Variants in ATF6B observed in about 807,000 individuals in gnomAD.
The protein encoded by ATF6B is cyclic AMP-dependent transcription factor ATF-6 beta.
Under a neutral mutation model 83.5 loss-of-function variants are expected in ATF6B, and 50 were observed. That is an observed-to-expected ratio of 0.60 (90% CI 0.48 to 0.76). The LOEUF (loss-of-function observed/expected upper bound fraction) is 0.76, where lower values mean the gene tolerates loss of function less well. Among genes scored for constraint, ATF6B ranks in the 30% least tolerant of loss-of-function variants. The pLI is 0.00. For synonymous variants in ATF6B, 344 were observed against 362.8 expected, an observed-to-expected ratio of 0.95 and a Z score of 0.59; for missense variants, 790 against 893.8, an observed-to-expected ratio of 0.88 and a Z score of 1.48.
chr6:32,126,882 A>C (rs1561770908), intron 4 of ATF6B, among the ~76,000 whole-genome samples: 1 of 152,062 alleles, frequency 6.6e-6, no homozygotes, highest in Non-Finnish European at 1.5e-5. Context: ...AAAACAAAAA[A>C]CAAACAAACA....
rs746778270 is a variant in ATF6B at position 32,120,117 on chromosome 6, A to ATC, written c.833-161_833-160insGA. On this transcript the variant is annotated intron_variant, in intron 8 of 17. Transcript: ENST00000375203. ...CCTTTTCTCCTTTTTTTCTTTTTTG[A>ATC]GATGCAGTCTTGCTCTGTCGACCAG... 1,544 of 945,080 alleles carry ATC rather than the reference A, an allele frequency of 1.6e-3. 7 individuals carry two copies. The highest frequency in any genetic ancestry group is 2.1e-3 in the Non-Finnish European group (1,397 of 663,556). 58.5% of individuals were successfully genotyped at this position (945,080 alleles called of 1,614,324 possible). A position where few individuals can be genotyped will look rare whatever the true frequency, so the allele number is the denominator to read the frequency against.
In ATF6B at chr6:32,117,267, A is replaced by G. The variant is rs1781567342; in HGVS notation, c.1614+56T>C. The G allele has an allele frequency of 6.3e-7, 1 of 1,584,990 alleles. No homozygotes were observed. Among genetic ancestry groups the G allele is most frequent in the Non-Finnish European group, 8.6e-7 (1 of 1,159,968 alleles). On this transcript the variant is annotated intron_variant, in intron 14 of 17. Transcript: ENST00000375203. This position sits in a 1 kb window ranked among gnomAD's most constrained non-coding sequence, Gnocchi z 5.0. Reference sequence around the variant, plus strand: ...AGATGCCCACTAGAAATCCCCAGACAAGGCCTTTAGCCCTTGTCTTCAAGT... The same window carrying G: ...AGATGCCCACTAGAAATCCCCAGACGAGGCCTTTAGCCCTTGTCTTCAAGT...
rs142849530 is a variant in ATF6B at position 32,119,888 on chromosome 6, C to T, written c.902G>A (p.Arg301Gln). 102 of 1,614,126 alleles carry T rather than the reference C, an allele frequency of 6.3e-5. No individual in the cohort carries two copies. The African/African-American group carries it at 1.1e-3, about 17-fold the overall frequency. The change falls in exon 9 of 18, where the codon CGG (arginine) becomes CAG (glutamine). Residue 301 changes from arginine to glutamine, a missense_variant. Physicochemically the swap from Arg to Gln is conservative, Grantham distance 43. Coordinates refer to ENST00000375203, the MANE Select transcript of ATF6B (RefSeq NM_004381.5). The surrounding 1 kb of genome is among the most constrained non-coding windows in gnomAD (Gnocchi z 4.9). ...GGGAACGATGCTCTTCCTCTCAGGC[C>T]GTGGTAGAGAGGGAGCCGGCCCTTC... Reference protein sequence around the residue: ...QPEGPAPSLPRPERKSIVPAP... With the variant: ...QPEGPAPSLPQPERKSIVPAP...
In ATF6B at chr6:32,126,183, C is replaced by T; in HGVS notation, c.412G>A (p.Asp138Asn). ...SLAPPLCLLG[D>N]DPTSSFETVQ... ...GTTTCAAATGAGGATGTTGGGTCAT[C>T]TCCCAGGAGACACAGTGGGGGTGCC... Residue 138 changes from aspartate (D) to asparagine (N), a missense_variant, in exon 5 of 18, where the codon GAT becomes AAT. By Grantham distance (23) the Asp-to-Asn change is conservative. Around this residue, in one of 3 missense-constraint regions of ATF6B, gnomAD observed 253 missense variants for 243.1 expected, o/e 1.04. Coordinates refer to ENST00000375203, the MANE Select transcript of ATF6B (RefSeq NM_004381.5). The T allele has an allele frequency of 8.7e-6, 14 of 1,614,190 alleles. No individual in the cohort carries two copies. The highest frequency in any genetic ancestry group is 1.3e-5 in the African/African-American group (1 of 75,034).
Position 32,117,502 on chromosome 6 carries a change from GCTTTAGTACA to G in ATF6B, c.1532+75_1532+84del. Reference sequence around the variant, plus strand: ...TGAGGAGAGGGCAGGGAGCACTGGCGCTTTAGTACACAGGCCAGCCAGGCTGACTGCAGAA... The same window carrying G: ...TGAGGAGAGGGCAGGGAGCACTGGCGCAGGCCAGCCAGGCTGACTGCAGAA... On this transcript the variant is annotated intron_variant, in intron 13 of 17. Transcript: ENST00000375203. This position sits in a 1 kb window ranked among gnomAD's most constrained non-coding sequence, Gnocchi z 5.0. 1.3e-6 allele frequency: 2 copies of G among 1,590,198 alleles called. No homozygotes were observed. Among genetic ancestry groups the G allele is most frequent in the Non-Finnish European group, 1.7e-6 (2 of 1,163,404 alleles).
At chr6:32,121,155 C>T in intron 6 of ATF6B, 31 bp from the exon 7 acceptor site, 1 of 1,607,068 alleles carries the variant, frequency 6.2e-7, no homozygotes. Context: ...ATACATTAGT[C>T]AGGAAGAGTG....
chr6:32,115,675 A>G lies in ATF6B; in HGVS notation c.*64T>C, dbSNP rs559470416. On this transcript the variant is annotated 3_prime_UTR_variant, in exon 18 of 18. Coordinates refer to ENST00000375203, the MANE Select transcript of ATF6B (RefSeq NM_004381.5). ...AAGCCTGGGGATCAGGGAAATTTGA[A>G]ACAGTCCCACCTGGCCACCTGGTAC... 179 of 1,407,750 alleles carry G rather than the reference A, an allele frequency of 1.3e-4. 1 individual carries two copies. The African/African-American group carries it at 2.2e-3, about 17-fold the overall frequency. 87.2% of individuals were successfully genotyped at this position (1,407,750 alleles called of 1,614,324 possible).
At position 32,121,118 on chromosome 6, in the gene ATF6B, T is replaced by A. The variant is rs1052386534; in HGVS notation, c.571A>T (p.Ile191Leu). Residue 191 changes from isoleucine to leucine, a missense_variant, in exon 7 of 18, where the codon ATA becomes TTA. Coordinates refer to ENST00000375203, the MANE Select transcript of ATF6B (RefSeq NM_004381.5). ...TTCACTTCCAGGACCTCCTCTCCTA[T>A]AAAAGCCTATGTGGGGCATTCCAGA... ...LSADSSSQAF[I>L]GEEVLEVKTE... 2.5e-6 allele frequency: 4 copies of A among 1,582,084 alleles called. No individual in the cohort carries two copies. The highest frequency in any genetic ancestry group is 3.4e-6 in the Non-Finnish European group (4 of 1,164,990).
Position 32,115,874 on chromosome 6 carries a change from G to A in ATF6B, c.1977C>T (p.Thr659=). ...TTCGGAGCGAGGGGGGCACTGTGGA[G>A]GTCTTGATGTGAATCACCCTGGTGT... The part of the protein sequence containing the change: ...VMDTRVIHIK[T]STVPPSLRKQ... Residue 659 remains threonine (T), a synonymous_variant, in exon 18 of 18, where the codon ACC becomes ACT. Transcript: ENST00000375203. 6.2e-7 allele frequency: 1 copy of A among 1,614,166 alleles called. No individual in the cohort carries two copies. The highest frequency in any genetic ancestry group is 8.5e-7 in the Non-Finnish European group (1 of 1,180,024).
rs1781648474 is a variant in ATF6B at position 32,119,057 on chromosome 6, G to A, written c.1051C>T (p.Gln351Ter). Residue 351 changes from glutamine (Q) to a stop codon, truncating the protein, a stop_gained, in exon 10 of 18, where the codon CAG (glutamine) becomes TAG (stop). Coordinates refer to ENST00000375203, the MANE Select transcript of ATF6B (RefSeq NM_004381.5). LOFTEE classifies it high-confidence loss of function. The surrounding 1 kb of genome is among the most constrained non-coding windows in gnomAD (Gnocchi z 4.9). The part of the protein sequence containing the change: ...QSRRKKKEYL[Q>*]GLEARLQAVL... ...GCTTGCAGCCGAGCCTCCAGTCCCT[G>A]CAGATACTCTTTCTTCTTTCTCCGG... 6.2e-7 allele frequency: 1 copy of A among 1,614,060 alleles called. No individual in the cohort carries two copies. The highest frequency in any genetic ancestry group is 8.5e-7 in the Non-Finnish European group (1 of 1,180,050).
At chr6:32,121,599 G>T (rs1225776809) in intron 5 of ATF6B, among the ~76,000 whole-genome samples, 1 of 152,188 alleles carries the variant, frequency 6.6e-6, no homozygotes, top group African/African-American at 2.4e-5. Context: ...TACTCAGGAG[G>T]CTGAGGCAGG....
At chr6:32,126,902 T>C (rs555983928) in intron 4 of ATF6B, among the ~76,000 whole-genome samples, 1 of 151,984 alleles carries the variant, frequency 6.6e-6, no homozygotes, top group African/African-American at 2.4e-5. Context: ...AAAAAAATCT[T>C]CACTGCTAGA....
At chr6:32,120,613 G>A (rs1245994447) in intron 8 of ATF6B, 158 bp downstream of exon 8, 5 of 875,110 alleles carry the variant, frequency 5.7e-6, no homozygotes, top group Admixed American at 3.6e-5. Context: ...ACCACTCCAC[G>A]CTAATTTTTG....
chr6:32,127,336 G>T, intron 3 of ATF6B, 106 bp downstream of exon 3: 2 of 1,367,790 alleles, frequency 1.5e-6, no homozygotes, highest in Admixed American at 2.3e-5. Context: ...GAGAGGATAG[G>T]CACTTATGTA....
At chr6:32,124,338 T>C (rs1227955246) in intron 5 of ATF6B, among the ~76,000 whole-genome samples, 1 of 152,174 alleles carries the variant, frequency 6.6e-6, no homozygotes, top group Non-Finnish European at 1.5e-5. Flanking sequence ...ACAAACCTCT[T>C]TGACTCCTAC....
Position 32,127,015 on chromosome 6 carries a change from C to A in ATF6B, c.342+88G>T. Reference sequence around the variant, plus strand: ...ACCTCATGACTCATAGCACACAAATCATTTAAATCATTTCTTTGTCACCCA... The same window carrying A: ...ACCTCATGACTCATAGCACACAAATAATTTAAATCATTTCTTTGTCACCCA... On this transcript the variant is annotated intron_variant, in intron 4 of 17. Transcript: ENST00000375203. The A allele has an allele frequency of 2.5e-6, 3 of 1,211,650 alleles. No individual in the cohort carries two copies. In the South Asian group the frequency reaches 5.2e-5, roughly 21 times the overall value. 75.1% of individuals were successfully genotyped at this position (1,211,650 alleles called of 1,614,324 possible).
chr6:32,115,671 T>C lies in ATF6B; in HGVS notation c.*68A>G, dbSNP rs1198523818. 7.9e-6 allele frequency: 11 copies of C among 1,386,522 alleles called. No homozygotes were observed. The highest frequency in any genetic ancestry group is 2.9e-5 in the African/African-American group (2 of 69,098). 85.9% of individuals were successfully genotyped at this position (1,386,522 alleles called of 1,614,324 possible). On this transcript the variant is annotated 3_prime_UTR_variant, in exon 18 of 18. Transcript: ENST00000375203. ...CCCCAAGCCTGGGGATCAGGGAAAT[T>C]TGAAACAGTCCCACCTGGCCACCTG... is the stretch of plus-strand genomic sequence containing the variant.
intron 1 of ATF6B, 72 bp from the exon 2 acceptor site, chr6:32,127,822 C>G: frequency 6.6e-7 from 1 of 1,520,316 alleles, no homozygotes; most frequent in Non-Finnish European, 9.1e-7. Context: ...AGCCCCCGCC[C>G]CATCCCTCAT....
chr6:32,127,784 G>A (rs765822819), intron 1 of ATF6B, 34 bp from the exon 2 acceptor site: 1 of 1,606,692 alleles, frequency 6.2e-7, no homozygotes, highest in South Asian at 1.1e-5. Flanking sequence ...GGGGTCGTTC[G>A]GTGGCCCCAG....
Sources: allele counts gnomAD v4.1 joint callset (sites outside exome capture counted in the v4.1 genomes callset), GRCh38; gene constraint gnomAD v4.1.1; regional missense constraint gnomAD v4.1.1; non-coding constraint Gnocchi (gnomAD v3.1); transcripts MANE v1.5; gene names NCBI Gene and HGNC (gene_info 2026-07-23, HGNC 2026-07-21).